FBXO11: variants seen among roughly 807,000 people sequenced by gnomAD.
FBXO11 encodes F-box protein 11.
In FBXO11, 13 loss-of-function variants were observed where a neutral mutation model predicts 117.0. The observed-to-expected ratio is 0.11, with a 90% CI of 0.07 to 0.18. The LOEUF (loss-of-function observed/expected upper bound fraction) is 0.18. Among genes scored for constraint, FBXO11 ranks in the 10% least tolerant of loss-of-function variants. FBXO11 has a pLI of 1.00. For missense variants in FBXO11, 767 were observed against 1,164.4 expected (o/e 0.66, Z 4.97); for synonymous variants, 490 against 380.5 (o/e 1.29, Z -3.35).
chr2:47,878,608 C>T (rs1237056259), intron 1 of FBXO11, among the ~76,000 whole-genome samples: 1 of 151,622 alleles, frequency 6.6e-6, no homozygotes, highest in African/African-American at 2.4e-5. Context: ...TCAATCTGCC[C>T]ACCTCGGCCT....
At chr2:47,840,702 C>T (rs1477123454) in intron 1 of FBXO11, among the ~76,000 whole-genome samples, 1 of 151,766 alleles carries the variant, frequency 6.6e-6, no homozygotes, top group Non-Finnish European at 1.5e-5. Context: ...AATCCTCCCA[C>T]CTTGGCCTCC....
chr2:47,844,934 G>A (rs925432721), intron 1 of FBXO11, among the ~76,000 whole-genome samples: 4 of 152,170 alleles, frequency 2.6e-5, no homozygotes, highest in Admixed American at 2.6e-4. Flanking sequence ...ACTGTGCCCA[G>A]CCCTTATTAC....
Position 47,819,120 on chromosome 2 carries a change from A to AG in FBXO11, c.1798-43dup, listed in dbSNP as rs749375821. The AG allele has an allele frequency of 1.5e-5, 24 of 1,596,834 alleles. 1 individual carries two copies. The highest frequency in any genetic ancestry group is 1.7e-4 in the Middle Eastern group (1 of 5,914). On this transcript the variant is annotated intron_variant, in intron 14 of 22. Transcript: ENST00000403359. ...CTGGTTATAATATTTATCTTCTATA[A>AG]GCAAGGCGTTTATAGTCTGTTACCC...
Position 47,809,153 on chromosome 2 carries a change from G to T in FBXO11, c.2555+5C>A, listed in dbSNP as rs368811481. On this transcript the variant is annotated splice_donor_5th_base_variant and intron_variant, in intron 21 of 22. Coordinates refer to ENST00000403359, the MANE Select transcript of FBXO11 (RefSeq NM_001190274.2). ...TTTCAGGACTCAAATATATTTCTAA[G>T]TTACCTGTAGAAATCATGCATGGGA... is the stretch of plus-strand genomic sequence containing the variant. 2.0e-6 allele frequency: 3 copies of T among 1,498,842 alleles called. No individual in the cohort carries two copies. Among genetic ancestry groups the T allele is most frequent in the Non-Finnish European group, 2.8e-6 (3 of 1,090,424 alleles). The allele number at this position is 1,498,842 out of a possible 1,614,324, so 92.8% of individuals were successfully genotyped here.
chr2:47,891,381 G>A (rs1015281805), intron 1 of FBXO11, among the ~76,000 whole-genome samples: 2 of 152,138 alleles, frequency 1.3e-5, no homozygotes, highest in East Asian at 1.9e-4. Flanking sequence ...AAATCATGCA[G>A]TATTTGTCTG....
intron 1 of FBXO11, among the ~76,000 whole-genome samples, chr2:47,892,991 A>G (rs1044410048): frequency 5.3e-5 from 8 of 151,974 alleles, no homozygotes; most frequent in African/African-American, 1.9e-4. Flanking sequence ...TGTCTCTACT[A>G]AAAATACAAA....
chr2:47,852,593 T>C (rs576910231), intron 1 of FBXO11, among the ~76,000 whole-genome samples: 3 of 152,316 alleles, frequency 2.0e-5, no homozygotes, highest in Non-Finnish European at 2.9e-5. Context: ...GATGTTTTTA[T>C]TTTTACTTTT....
chr2:47,890,137 T>A (rs948558732), intron 1 of FBXO11, among the ~76,000 whole-genome samples: 3 of 152,038 alleles, frequency 2.0e-5, no homozygotes, highest in African/African-American at 7.2e-5. Flanking sequence ...TTTATTTATT[T>A]ATTTATTTAT....
At chr2:47,884,494 C>T (rs751104311) in intron 1 of FBXO11, among the ~76,000 whole-genome samples, 5 of 152,150 alleles carry the variant, frequency 3.3e-5, no homozygotes, top group Non-Finnish European at 7.4e-5. Context: ...TTACATATGT[C>T]TTTCAGTTCA....
In FBXO11 at chr2:47,871,246, C is replaced by G. The variant is rs35362598; in HGVS notation, c.233-31477G>C. 4.9e-4 allele frequency among the ~76,000 whole-genome samples: 74 copies of G among 152,294 alleles called. 1 individual carries two copies. In the East Asian group the frequency reaches 0.013, roughly 27 times the overall value. On this transcript the variant is annotated intron_variant, in intron 1 of 22. Coordinates refer to ENST00000403359, the MANE Select transcript of FBXO11 (RefSeq NM_001190274.2). Reference sequence around the variant, plus strand: ...CCAGAAGACGCTTTATGAATCCACTCAAGCAGCCCTGTGGATAGGACCAGG... The same window carrying G: ...CCAGAAGACGCTTTATGAATCCACTGAAGCAGCCCTGTGGATAGGACCAGG...
chr2:47,813,038 G>T, intron 18 of FBXO11, 196 bp downstream of exon 18: 1 of 597,580 alleles, frequency 1.7e-6, no homozygotes, highest in Non-Finnish European at 3.0e-6. Context: ...ACTCAAAGTG[G>T]CTACAAAAGG....
At chr2:47,901,055 ATATATATGTATATATATACACACGTGTG>A (rs1678219923) in intron 1 of FBXO11, among the ~76,000 whole-genome samples, 5 of 124,956 alleles carry the variant, frequency 4.0e-5, no homozygotes, top group Admixed American at 3.1e-4. Flanking sequence ...ATATATACAC[ATATATATGTATATATATACACACGTGTG>A]TACATATATA....
At chr2:47,822,168 A>G (rs1671438887) in intron 13 of FBXO11, 50 bp downstream of exon 13, 1 of 1,225,004 alleles carries the variant, frequency 8.2e-7, no homozygotes, top group African/African-American at 1.5e-5. Flanking sequence ...TGCTAATATC[A>G]AGAAGACATA....
intron 1 of FBXO11, among the ~76,000 whole-genome samples, chr2:47,856,974 G>C (rs1216917672): frequency 6.6e-6 from 1 of 152,170 alleles, no homozygotes; most frequent in African/African-American, 2.4e-5. Flanking sequence ...GTTGTATGTA[G>C]ACCATCACAG....
chr2:47,884,523 G>A (rs952804711), intron 1 of FBXO11, among the ~76,000 whole-genome samples: 2 of 152,184 alleles, frequency 1.3e-5, no homozygotes, highest in Non-Finnish European at 2.9e-5. Flanking sequence ...AGAGGTTGAT[G>A]CATTTTTCCT....
intron 12 of FBXO11, among the ~76,000 whole-genome samples, chr2:47,822,620 A>C (rs1671470030): frequency 6.6e-6 from 1 of 152,238 alleles, no homozygotes; most frequent in African/African-American, 2.4e-5. Context: ...ATGGAAAATA[A>C]AATTTGACAA....
At chr2:47,836,213 T>C (rs1393927366) in intron 4 of FBXO11, among the ~76,000 whole-genome samples, 4 of 152,120 alleles carry the variant, frequency 2.6e-5, no homozygotes, top group African/African-American at 9.7e-5. Context: ...CTTGGCTCAC[T>C]GCAACCTCCC....
Position 47,900,584 on chromosome 2 carries a change from A to ATACACACACG in FBXO11, c.232+4904_232+4905insCGTGTGTGTA, listed in dbSNP as rs1558486089. Among the ~76,000 whole-genome samples the ATACACACACG allele has an allele frequency of 1.8e-4, 21 of 118,526 alleles. 3 individuals carry two copies. Among genetic ancestry groups the ATACACACACG allele is most frequent in the Admixed American group, 3.9e-4 (5 of 12,956 alleles). The allele number at this position is 118,526 out of a possible 152,430, so 77.8% of individuals were successfully genotyped here. A position where few individuals can be genotyped will look rare whatever the true frequency, so the allele number is the denominator to read the frequency against. ...TATATATACACACGTATACACACATATATACGTATATACACACGTATACAC... is the reference window on the plus strand; with the variant it reads ...TATATATACACACGTATACACACATATACACACACGTATACGTATATACACACGTATACAC... On this transcript the variant is annotated intron_variant, in intron 1 of 22. Coordinates refer to ENST00000403359, the MANE Select transcript of FBXO11 (RefSeq NM_001190274.2).
chr2:47,849,919 A>G (rs1673728607), intron 1 of FBXO11, among the ~76,000 whole-genome samples: 1 of 152,216 alleles, frequency 6.6e-6, no homozygotes, highest in African/African-American at 2.4e-5. Flanking sequence ...TATCTTAAAA[A>G]CAAAATATGG....
Sources: gnomAD v4.1 joint callset for allele counts (sites outside exome capture counted in the v4.1 genomes callset) on GRCh38, gnomAD v4.1.1 for gene constraint, MANE v1.5 for transcripts, NCBI Gene and HGNC (gene_info 2026-07-23, HGNC 2026-07-21) for gene names.